Variants in ILDR1 observed in about 807,000 individuals in gnomAD.
ILDR1 encodes the protein immunoglobulin like domain containing receptor 1.
A neutral mutation model predicts 62.4 loss-of-function variants in ILDR1; 56 were observed. The observed-to-expected ratio is 0.90, with a 90% CI of 0.72 to 1.12. ILDR1 has a LOEUF of 1.12. Among genes scored for constraint, ILDR1 ranks in the 50% most tolerant of loss-of-function variants. ILDR1 has a pLI of 0.00. For missense variants in ILDR1, 736 were observed against 710.6 expected, an observed-to-expected ratio of 1.04 and a Z score of -0.41; for synonymous variants, 284 against 277.8, an observed-to-expected ratio of 1.02 and a Z score of -0.22.
At chr3:122,015,127 G>A (rs1399122472) in intron 1 of ILDR1, among the ~76,000 whole-genome samples, 2 of 152,230 alleles carry the variant, frequency 1.3e-5, no homozygotes, top group African/African-American at 4.8e-5. Flanking sequence ...TCATGGATGA[G>A]TTTTAAAGCA....
chr3:122,010,560 C>G (rs574943713), intron 1 of ILDR1, among the ~76,000 whole-genome samples: 1 of 152,276 alleles, frequency 6.6e-6, no homozygotes, highest in East Asian at 1.9e-4. Flanking sequence ...CTTTCTTAAT[C>G]TAATTTTTGG....
chr3:122,046,439 G>C, the ILDR1 span, among the ~76,000 whole-genome samples: 1,130 of 143,844 alleles, frequency 7.9e-3, 17 homozygotes, highest in African/African-American at 0.026. Context: ...GGCGTTCTCT[G>C]TATTTCCTGA....
At chr3:121,991,961 C>T (rs527972794) in intron 7 of ILDR1, among the ~76,000 whole-genome samples, 4 of 152,168 alleles carry the variant, frequency 2.6e-5, no homozygotes, top group African/African-American at 9.7e-5. Flanking sequence ...ACTGCATATA[C>T]CTTTGACTAT....
chr3:122,039,063 A>G, the ILDR1 span, among the ~76,000 whole-genome samples: 1 of 152,138 alleles, frequency 6.6e-6, no homozygotes, highest in Non-Finnish European at 1.5e-5. Flanking sequence ...GCAGAGAGGA[A>G]AAAGAGAGTG....
chr3:122,005,541 AG>A (rs977972613), intron 2 of ILDR1, 148 bp from the exon 3 acceptor site: 10 of 787,332 alleles, frequency 1.3e-5, no homozygotes, highest in Non-Finnish European at 2.1e-5. Context: ...TTAATCACGA[AG>A]ATCCTGATTC....
intron 5 of ILDR1, among the ~76,000 whole-genome samples, chr3:121,995,642 G>C (rs1175995803): frequency 6.6e-6 from 1 of 152,182 alleles, no homozygotes; most frequent in Non-Finnish European, 1.5e-5. Context: ...CATGCCAGCT[G>C]ATCACCTGGA....
intron 2 of ILDR1, among the ~76,000 whole-genome samples, chr3:122,005,733 T>C (rs1266168696): frequency 6.6e-6 from 1 of 151,966 alleles, no homozygotes; most frequent in Non-Finnish European, 1.5e-5. Flanking sequence ...TCTGCTCCCA[T>C]GGAATTCATC....
chr3:122,055,414 T>C, the ILDR1 span: 2 of 1,431,882 alleles, frequency 1.4e-6, no homozygotes, highest in East Asian at 2.3e-5. Flanking sequence ...TCTCTGCTGC[T>C]GTAACAGGGA....
intron 3 of ILDR1, 50 bp from the exon 4 acceptor site, chr3:122,001,914 G>C: frequency 6.2e-7 from 1 of 1,607,796 alleles, no homozygotes; most frequent in Non-Finnish European, 8.5e-7. Flanking sequence ...GAGAGCACTG[G>C]TTTCTAACCC....
the ILDR1 span, among the ~76,000 whole-genome samples, chr3:122,034,928 C>T: frequency 0.23 from 34,855 of 152,076 alleles, 4,419 homozygotes; most frequent in African/African-American, 0.32. Flanking sequence ...ATGGGAAAGA[C>T]CTGCCCCCAT....
chr3:122,038,792 A>T, the ILDR1 span, among the ~76,000 whole-genome samples: 12 of 152,294 alleles, frequency 7.9e-5, 1 homozygote, highest in South Asian at 1.2e-3. Flanking sequence ...AAAGACAAAA[A>T]CTATAAGAGA....
rs186355176 is a variant in ILDR1 at position 122,017,995 on chromosome 3, G to A, written c.58+4025C>T. Among the ~76,000 whole-genome samples, 4 of 152,274 alleles carry A rather than the reference G, an allele frequency of 2.6e-5. No homozygotes were observed. The East Asian group carries it at 5.8e-4, about 22-fold the overall frequency. On this transcript the variant is annotated intron_variant, in intron 1 of 7. Coordinates refer to ENST00000344209, the MANE Select transcript of ILDR1 (RefSeq NM_001199799.2). ...GGAAGACAGTATGGTGATTCCTCAA[G>A]GATCTAGAACTAGAAATACCATTTG...
At chr3:122,055,292 A>G in the ILDR1 span, 3 of 570,706 alleles carry the variant, frequency 5.3e-6, no homozygotes, top group Non-Finnish European at 9.4e-6. Flanking sequence ...TTTCTTCCTC[A>G]AGTGTGGTCA....
the ILDR1 span, among the ~76,000 whole-genome samples, chr3:122,054,858 T>C: frequency 2.0e-5 from 3 of 152,148 alleles, no homozygotes; most frequent in African/African-American, 4.8e-5. Context: ...TCCTTGGCTA[T>C]AGTAGGAATG....
At chr3:122,036,722 G>A in the ILDR1 span, among the ~76,000 whole-genome samples, 18 of 152,178 alleles carry the variant, frequency 1.2e-4, no homozygotes, top group African/African-American at 4.1e-4. Flanking sequence ...AAGTAAAGAG[G>A]AGCCGAATGT....
chr3:122,008,568 C>CTTTT (rs1454372232), intron 1 of ILDR1, among the ~76,000 whole-genome samples: 1 of 94,546 alleles, frequency 1.1e-5, no homozygotes, highest in Admixed American at 1.4e-4. Context: ...TTTTTTATTT[C>CTTTT]TTTTCTTTTC....
the ILDR1 span, among the ~76,000 whole-genome samples, chr3:122,050,551 C>A: frequency 6.8e-6 from 1 of 148,042 alleles, no homozygotes; most frequent in Non-Finnish European, 1.5e-5. Flanking sequence ...TACTTCCCCC[C>A]CCCCACAGTT....
At position 121,996,156 on chromosome 3, in the gene ILDR1, T is replaced by C. The variant is rs143674862; in HGVS notation, c.647-1843A>G. ...ACCCCTTTAATGGAATCCTAGCTTC[T>C]TCCAGATGGTCCTATTCCCATTTAG... On this transcript the variant is annotated intron_variant, in intron 5 of 7. Transcript: ENST00000344209. 5.4e-4 allele frequency among the ~76,000 whole-genome samples: 82 copies of C among 152,304 alleles called. No individual in the cohort carries two copies. The East Asian group carries it at 0.014, about 25-fold the overall frequency.
At chr3:122,051,778 G>A in the ILDR1 span, among the ~76,000 whole-genome samples, 1 of 152,078 alleles carries the variant, frequency 6.6e-6, no homozygotes, top group African/African-American at 2.4e-5. Flanking sequence ...TTACCAGCCG[G>A]CTTTGTACTG....
Sources: allele counts gnomAD v4.1 joint callset (sites outside exome capture counted in the v4.1 genomes callset), GRCh38; gene constraint gnomAD v4.1.1; transcripts MANE v1.5; gene names NCBI Gene and HGNC (gene_info 2026-07-23, HGNC 2026-07-21).